The following MUSK variants were observed in gnomAD, a reference collection of about 807,000 sequenced individuals.
MUSK encodes muscle associated receptor tyrosine kinase, also known as muscle, skeletal receptor tyrosine-protein kinase.
MUSK carries 55 observed loss-of-function variants against 88.7 expected under a neutral mutation model. That is an observed-to-expected ratio of 0.62 (90% CI 0.50 to 0.78). The LOEUF (loss-of-function observed/expected upper bound fraction) is 0.78. Ranked by LOEUF, MUSK falls within the 30% of genes least tolerant of loss-of-function variation. The probability of loss-of-function intolerance (pLI) is 0.00; values close to 1 mark genes in which losing one functional copy is unlikely to be tolerated. For missense variants in MUSK, 1,015 were observed against 1,074.3 expected (o/e 0.94, Z 0.77); for synonymous variants, 387 against 391.9 (o/e 0.99, Z 0.15).
intron 8 of MUSK, among the ~76,000 whole-genome samples, chr9:110,767,016 A>G (rs759671990): frequency 7.2e-5 from 11 of 152,244 alleles, no homozygotes; most frequent in African/African-American, 2.7e-4. Context: ...ATTATAGCAG[A>G]TAAGTTTTTA....
chr9:110,684,495 T>G (rs1014826999), intron 2 of MUSK, among the ~76,000 whole-genome samples: 1 of 152,034 alleles, frequency 6.6e-6, no homozygotes, highest in Non-Finnish European at 1.5e-5. Flanking sequence ...TTAGGATTTT[T>G]TTTTTCTATT....
rs185504025 is a variant in MUSK, at chr9:110,791,084, G to C, written c.1927+3246G>C. On this transcript the variant is annotated intron_variant, in intron 14 of 14. Coordinates refer to ENST00000374448, the MANE Select transcript of MUSK (RefSeq NM_005592.4). ...TCATTAAAAGGGGGTAGGATCAATA[G>C]ATTAAAAGTTTCAGGGGGAGGAGCC... 6.6e-5 allele frequency among the ~76,000 whole-genome samples: 10 copies of C among 151,102 alleles called. No individual in the cohort carries two copies. The East Asian group carries it at 1.9e-3, about 29-fold the overall frequency.
In MUSK at chr9:110,755,981, T is replaced by TATATATATATAC. The variant is rs1564269104; in HGVS notation, c.914-6210_914-6209insCATATATATATA. Among the ~76,000 whole-genome samples, 812 of 107,852 alleles carry TATATATATATAC rather than the reference T, an allele frequency of 7.5e-3. 25 individuals carry two copies. Among genetic ancestry groups the TATATATATATAC allele is most frequent in the South Asian group, 0.012 (38 of 3,264 alleles). 70.8% of individuals were successfully genotyped at this position (107,852 alleles called of 152,430 possible). On this transcript the variant is annotated intron_variant, in intron 7 of 14. Transcript: ENST00000374448. ...ATATATATACATATATATATATACA[T>TATATATATATAC]ATATATATATATATATGAATTTATT...
At position 110,802,304 on chromosome 9, in the gene MUSK, T is replaced by C. The variant is rs1183926529; in HGVS notation, c.*1316T>C. On this transcript the variant is annotated 3_prime_UTR_variant, in exon 15 of 15. Coordinates refer to ENST00000374448, the MANE Select transcript of MUSK (RefSeq NM_005592.4). ...TCAGTGGATCCTCACACAATACATCTTTATCTAAGTCCATACATGATCTGA... is the reference window on the plus strand; with the variant it reads ...TCAGTGGATCCTCACACAATACATCCTTATCTAAGTCCATACATGATCTGA... Among the ~76,000 whole-genome samples, 1 of 152,146 alleles carries C rather than the reference T, an allele frequency of 6.6e-6. No individual in the cohort carries two copies. The highest frequency in any genetic ancestry group is 1.5e-5 in the Non-Finnish European group (1 of 68,016).
chr9:110,740,304 T>C (rs1473105821), intron 6 of MUSK, among the ~76,000 whole-genome samples: 1 of 152,042 alleles, frequency 6.6e-6, no homozygotes, highest in Non-Finnish European at 1.5e-5. Context: ...AAGTCCAAGG[T>C]CAAGGTGCTA....
At chr9:110,734,071 A>G (rs2076998092) in intron 5 of MUSK, among the ~76,000 whole-genome samples, 180 bp from the exon 6 acceptor site, 1 of 152,054 alleles carries the variant, frequency 6.6e-6, no homozygotes, top group Admixed American at 6.6e-5. Flanking sequence ...TGAGAAATAT[A>G]GGGTTATAAC....
chr9:110,681,493 A>C (rs1470080188), intron 1 of MUSK, among the ~76,000 whole-genome samples: 1 of 152,052 alleles, frequency 6.6e-6, no homozygotes, highest in East Asian at 1.9e-4. Flanking sequence ...GATCATTTTA[A>C]TAGTATCTGT....
intron 7 of MUSK, among the ~76,000 whole-genome samples, chr9:110,755,931 T>TA (rs1409050049): frequency 6.3e-5 from 6 of 95,556 alleles, no homozygotes; most frequent in African/African-American, 1.3e-4. Context: ...CATATATATA[T>TA]ACATATATAT....
intron 5 of MUSK, among the ~76,000 whole-genome samples, chr9:110,725,369 T>G (rs1444193484): frequency 1.3e-5 from 2 of 152,018 alleles, no homozygotes; most frequent in Admixed American, 1.3e-4. Flanking sequence ...ATAAAGAGAT[T>G]GGTTTTGGTT....
At chr9:110,686,548 A>C (rs2076198418) in intron 2 of MUSK, among the ~76,000 whole-genome samples, 1 of 152,098 alleles carries the variant, frequency 6.6e-6, no homozygotes, top group African/African-American at 2.4e-5. Flanking sequence ...GTTTGCATAT[A>C]ATTAAATAGG....
chr9:110,693,257 CCTTTT>C (rs759375670), intron 3 of MUSK, among the ~76,000 whole-genome samples: 23 of 152,140 alleles, frequency 1.5e-4, no homozygotes, highest in Non-Finnish European at 1.2e-4. Context: ...TACTAAATCC[CCTTTT>C]CTTTTCTTGC....
At chr9:110,728,638 T>G in intron 5 of MUSK, 2 of 1,213,032 alleles carry the variant, frequency 1.6e-6, no homozygotes, top group African/African-American at 1.5e-5. Context: ...TGTGTTGTTT[T>G]GTTTGCGTGT....
chr9:110,774,451 A>C lies in MUSK; in HGVS notation c.1185-1337A>C, dbSNP rs572789000. Among the ~76,000 whole-genome samples the C allele has an allele frequency of 2.6e-5, 4 of 152,282 alleles. No individual in the cohort carries two copies. The South Asian group carries it at 8.3e-4, about 32-fold the overall frequency. On this transcript the variant is annotated intron_variant, in intron 9 of 14. Coordinates refer to ENST00000374448, the MANE Select transcript of MUSK (RefSeq NM_005592.4). ...AAACAAAGCAAACCAAAAGCCATTC[A>C]TTAATGTGTTCTTCTGTTTAGAATA...
intron 1 of MUSK, among the ~76,000 whole-genome samples, chr9:110,673,922 C>A (rs1031132367): frequency 2.0e-5 from 3 of 152,032 alleles, no homozygotes; most frequent in African/African-American, 4.8e-5. Flanking sequence ...TTTTTAAAGT[C>A]CTTATTAACA....
At chr9:110,755,088 C>A (rs2077294302) in intron 7 of MUSK, among the ~76,000 whole-genome samples, 1 of 152,132 alleles carries the variant, frequency 6.6e-6, no homozygotes, top group Non-Finnish European at 1.5e-5. Context: ...AATGATTTTC[C>A]TATTGTCCAG....
At chr9:110,720,479 C>T (rs1351474594) in intron 5 of MUSK, among the ~76,000 whole-genome samples, 2 of 151,936 alleles carry the variant, frequency 1.3e-5, no homozygotes. Flanking sequence ...TGGACATAAA[C>T]TAGAAAACCT....
intron 8 of MUSK, among the ~76,000 whole-genome samples, chr9:110,763,048 C>T (rs558951696): frequency 3.3e-5 from 5 of 151,978 alleles, no homozygotes; most frequent in East Asian, 1.9e-4. Flanking sequence ...TCCCACAATG[C>T]GTACATGTTT....
chr9:110,734,520 A>G (rs769122625), intron 6 of MUSK, 145 bp downstream of exon 6: 1 of 1,060,752 alleles, frequency 9.4e-7, no homozygotes, highest in South Asian at 1.9e-5. Flanking sequence ...TCTTTGTCCT[A>G]GAAGCCATTG....
At chr9:110,680,504 C>G (rs925567110) in intron 1 of MUSK, among the ~76,000 whole-genome samples, 2 of 151,644 alleles carry the variant, frequency 1.3e-5, no homozygotes, top group African/African-American at 4.8e-5. Context: ...GTACTTCAGC[C>G]TCCCACATAG....
Sources: gnomAD v4.1 joint callset for allele counts (sites outside exome capture counted in the v4.1 genomes callset) on GRCh38, gnomAD v4.1.1 for gene constraint, MANE v1.5 for transcripts, NCBI Gene and HGNC (gene_info 2026-07-23, HGNC 2026-07-21) for gene names.